SPOCK3: variants seen among roughly 807,000 people sequenced by gnomAD.
The protein encoded by SPOCK3 is SPARC (osteonectin), cwcv and kazal like domains proteoglycan 3, also known as testican-3.
Under a neutral mutation model 56.6 loss-of-function variants are expected in SPOCK3, and 30 were observed. That is an observed-to-expected ratio of 0.53 (90% confidence interval 0.40 to 0.72). SPOCK3 has a LOEUF of 0.72. Among genes scored for constraint, SPOCK3 ranks in the 30% least tolerant of loss-of-function variants. The pLI is 0.00. For synonymous variants in SPOCK3, 196 were observed against 183.3 expected, an observed-to-expected ratio of 1.07 and a Z score of -0.56; for missense variants, 527 against 530.0, an observed-to-expected ratio of 0.99 and a Z score of 0.06.
intron 4 of SPOCK3, 91 bp from the exon 5 acceptor site, chr4:166,912,834 A>T: frequency 9.6e-7 from 1 of 1,037,392 alleles, no homozygotes; most frequent in African/African-American, 1.7e-5. Flanking sequence ...TGCCATTCCA[A>T]CTCCTGAAGA....
intron 7 of SPOCK3, among the ~76,000 whole-genome samples, chr4:166,779,313 G>A (rs1739911481): frequency 6.6e-6 from 1 of 151,996 alleles, no homozygotes; most frequent in African/African-American, 2.4e-5. Flanking sequence ...AATCAATTAA[G>A]AATAAATTTG....
chr4:166,784,721 G>A (rs1165342494), intron 7 of SPOCK3, among the ~76,000 whole-genome samples: 1 of 152,068 alleles, frequency 6.6e-6, no homozygotes, highest in Non-Finnish European at 1.5e-5. Context: ...CATAAAGTGA[G>A]CAGTATCTTG....
At chr4:167,220,985 C>T (rs528398163) in intron 2 of SPOCK3, among the ~76,000 whole-genome samples, 39 of 151,994 alleles carry the variant, frequency 2.6e-4, no homozygotes, top group Non-Finnish European at 5.0e-4. Context: ...AAATTGCAAA[C>T]CTTAATCAAT....
In SPOCK3 at chr4:167,012,663, T is replaced by A. The variant is rs186236826; in HGVS notation, c.236-12200A>T. Among the ~76,000 whole-genome samples the A allele has an allele frequency of 5.3e-5, 8 of 152,078 alleles. No homozygotes were observed. In the East Asian group the frequency reaches 1.5e-3, roughly 29 times the overall value. ...AAAATCACAACACGAAATAATGCAA[T>A]CAGTACATAGCCATCTTTCATTTGT... is the stretch of plus-strand genomic sequence containing the variant. On this transcript the variant is annotated intron_variant, in intron 3 of 10. Coordinates refer to ENST00000357545, the MANE Select transcript of SPOCK3 (RefSeq NM_001040159.2).
At chr4:166,935,074 A>G (rs923393498) in intron 4 of SPOCK3, among the ~76,000 whole-genome samples, 32 of 152,144 alleles carry the variant, frequency 2.1e-4, no homozygotes, top group Non-Finnish European at 4.4e-4. Context: ...AGGAGTATAA[A>G]TAGTAGAAGA....
Position 167,210,599 on chromosome 4 carries a change from AAAG to A in SPOCK3, c.189+23383_189+23385del, listed in dbSNP as rs761659210. On this transcript the variant is annotated intron_variant, in intron 2 of 10. Coordinates refer to ENST00000357545, the MANE Select transcript of SPOCK3 (RefSeq NM_001040159.2). ...TAAAAGATAAATGTGTGTATTTAGC[AAAG>A]AAGGACTTTAACTTTATATAGATGA... is the stretch of plus-strand genomic sequence containing the variant. Among the ~76,000 whole-genome samples, 373 of 152,320 alleles carry A rather than the reference AAAG, an allele frequency of 2.4e-3. 5 individuals are homozygous for A. The highest frequency in any genetic ancestry group is 7.9e-4 in the Non-Finnish European group (54 of 68,036).
intron 3 of SPOCK3, among the ~76,000 whole-genome samples, chr4:167,044,198 A>G (rs1456804025): frequency 2.0e-5 from 3 of 151,988 alleles, no homozygotes; most frequent in African/African-American, 4.8e-5. Flanking sequence ...TAATTGGTCC[A>G]TTTCATCTAA....
At chr4:167,194,466 G>A (rs1732750934) in intron 2 of SPOCK3, among the ~76,000 whole-genome samples, 1 of 152,122 alleles carries the variant, frequency 6.6e-6, no homozygotes, top group Non-Finnish European at 1.5e-5. Context: ...TACTTGTGTG[G>A]TGTCATGTTT....
intron 4 of SPOCK3, among the ~76,000 whole-genome samples, chr4:166,962,535 C>T (rs967478170): frequency 1.3e-5 from 2 of 151,932 alleles, no homozygotes; most frequent in Non-Finnish European, 2.9e-5. Context: ...ATGCCATTTG[C>T]AATGAAATAT....
chr4:166,827,831 A>C (rs554886625), intron 6 of SPOCK3, among the ~76,000 whole-genome samples: 1 of 81,310 alleles, frequency 1.2e-5, no homozygotes, highest in African/African-American at 4.3e-5. Flanking sequence ...TACCTTACTC[A>C]TCAAGGGAAA....
intron 9 of SPOCK3, among the ~76,000 whole-genome samples, chr4:166,739,429 T>A (rs1734593249): frequency 6.6e-6 from 1 of 151,996 alleles, no homozygotes; most frequent in Non-Finnish European, 1.5e-5. Context: ...TTAGTACAGA[T>A]GGGGTTTCAC....
At chr4:167,109,412 TA>T (rs1489561702) in intron 2 of SPOCK3, among the ~76,000 whole-genome samples, 2 of 81,834 alleles carry the variant, frequency 2.4e-5, no homozygotes, top group African/African-American at 4.4e-5. Context: ...TATATAAATA[TA>T]TATATAAATA....
At chr4:167,141,405 G>A (rs1763519068) in intron 2 of SPOCK3, among the ~76,000 whole-genome samples, 1 of 151,994 alleles carries the variant, frequency 6.6e-6, no homozygotes, top group African/African-American at 2.4e-5. Flanking sequence ...TCACAATAGG[G>A]GAGGACCTAG....
At chr4:166,798,914 A>C (rs1355402450) in intron 6 of SPOCK3, among the ~76,000 whole-genome samples, 2 of 152,186 alleles carry the variant, frequency 1.3e-5, no homozygotes, top group East Asian at 3.9e-4. Flanking sequence ...TGTGCAGAAA[A>C]AAAATACTTG....
chr4:167,128,519 T>G (rs975251317), intron 2 of SPOCK3, among the ~76,000 whole-genome samples: 1 of 152,188 alleles, frequency 6.6e-6, no homozygotes, highest in Non-Finnish European at 1.5e-5. Context: ...GTATAGCATA[T>G]GGAGGTGTTC....
At chr4:166,877,393 A>C (rs1412612527) in intron 6 of SPOCK3, among the ~76,000 whole-genome samples, 3 of 152,180 alleles carry the variant, frequency 2.0e-5, no homozygotes, top group South Asian at 4.1e-4. Flanking sequence ...ATGGTGTTAA[A>C]ACTGCCAAAT....
chr4:166,984,068 A>G (rs1746877000), intron 4 of SPOCK3, among the ~76,000 whole-genome samples: 1 of 152,108 alleles, frequency 6.6e-6, no homozygotes, highest in African/African-American at 2.4e-5. Flanking sequence ...CAATATGCTA[A>G]TCATTCTTTA....
intron 2 of SPOCK3, among the ~76,000 whole-genome samples, chr4:167,229,738 A>G (rs1016938245): frequency 7.2e-5 from 11 of 152,086 alleles, no homozygotes; most frequent in African/African-American, 2.7e-4. Context: ...TGTATTTTAC[A>G]TTTTCTCAAT....
chr4:167,072,268 G>C (rs1008048726), intron 2 of SPOCK3, among the ~76,000 whole-genome samples: 1 of 152,058 alleles, frequency 6.6e-6, no homozygotes, highest in Non-Finnish European at 1.5e-5. Context: ...CAGGTCAGCA[G>C]CCATGATGGC....
Sources: gnomAD v4.1 joint callset for allele counts (sites outside exome capture counted in the v4.1 genomes callset) on GRCh38, gnomAD v4.1.1 for gene constraint, MANE v1.5 for transcripts, NCBI Gene and HGNC (gene_info 2026-07-23, HGNC 2026-07-21) for gene names.